Variants in ESR2 observed in about 807,000 individuals in gnomAD.
The protein encoded by ESR2 is estrogen receptor 2.
In ESR2, 36 loss-of-function variants were observed where a neutral mutation model predicts 49.6. The ratio of observed to expected loss-of-function variants is 0.73; its 90% CI spans 0.56 to 0.96. ESR2 has a LOEUF of 0.96. Among genes scored for constraint, ESR2 ranks in the 40% least tolerant of loss-of-function variants. The pLI is 0.00. For missense variants in ESR2, 714 were observed against 693.0 expected (o/e 1.03, Z -0.34); for synonymous variants, 320 against 266.1 (o/e 1.20, Z -1.97).
At chr14:64,315,423 C>T (rs1485273345) in intron 1 of ESR2, among the ~76,000 whole-genome samples, 1 of 151,950 alleles carries the variant, frequency 6.6e-6, no homozygotes, top group Non-Finnish European at 1.5e-5. Flanking sequence ...CTTTGAAAAA[C>T]ACAAACTACT....
upstream of ESR2, among the ~76,000 whole-genome samples, chr14:64,299,155 TAA>T (rs35415214): frequency 1.5e-5 from 2 of 137,314 alleles, no homozygotes; most frequent in Admixed American, 7.3e-5. Context: ...TGAAATGAGA[TAA>T]AAAAAAAAAA....
At chr14:64,247,359 G>A (rs1351079432) in intron 7 of ESR2, among the ~76,000 whole-genome samples, 2 of 150,134 alleles carry the variant, frequency 1.3e-5, no homozygotes, top group African/African-American at 4.9e-5. Context: ...AAAAAAACTA[G>A]TGCCAATATC....
intron 1 of ESR2, among the ~76,000 whole-genome samples, chr14:64,286,156 C>T (rs1256141224): frequency 1.3e-5 from 2 of 152,092 alleles, no homozygotes; most frequent in Non-Finnish European, 1.5e-5. Flanking sequence ...AAAGTGGTAC[C>T]ACTTCCAACC....
At chr14:64,267,876 T>A (rs2076363148) in intron 4 of ESR2, among the ~76,000 whole-genome samples, 1 of 134,152 alleles carries the variant, frequency 7.5e-6, no homozygotes, top group African/African-American at 2.9e-5. Context: ...AGAGCGAGAC[T>A]CCATCTCAAA....
chr14:64,235,077 C>CA lies in ESR2; in HGVS notation c.1298dup (p.Thr434AspfsTer24). The stretch of plus-strand genomic sequence containing the variant: ...CAATCACCCAAACCAAAGCATCGGT[C>CA]ACGGCGTTCAGCAAGTGAGCCAGCT... On this transcript the variant is annotated frameshift_variant, in exon 8 of 9. Coordinates refer to ENST00000341099, the MANE Select transcript of ESR2 (RefSeq NM_001437.3). LOFTEE classifies it high-confidence loss of function. 6.2e-7 allele frequency: 1 copy of CA among 1,614,190 alleles called. No homozygotes were observed. Among genetic ancestry groups the CA allele is most frequent in the South Asian group, 1.1e-5 (1 of 91,078 alleles).
chr14:64,239,345 A>G (rs1441578389), intron 7 of ESR2, among the ~76,000 whole-genome samples: 1 of 152,224 alleles, frequency 6.6e-6, no homozygotes, highest in Non-Finnish European at 1.5e-5. Context: ...AACTCTCCCT[A>G]TAAACTCAGA....
intron 7 of ESR2, among the ~76,000 whole-genome samples, chr14:64,241,071 T>G (rs929300315): frequency 5.2e-4 from 72 of 139,334 alleles, no homozygotes; most frequent in Non-Finnish European, 3.5e-4. Flanking sequence ...GCGTGAACCC[T>G]GGAGGCGGAG....
At chr14:64,252,310 TAA>T (rs1371158093) in intron 6 of ESR2, among the ~76,000 whole-genome samples, 3 of 134,474 alleles carry the variant, frequency 2.2e-5, no homozygotes, top group Non-Finnish European at 3.2e-5. Flanking sequence ...GGACCGTCTC[TAA>T]AAAAAAAAAA....
chr14:64,326,616 T>C (rs559049337), intron 1 of ESR2, among the ~76,000 whole-genome samples: 2 of 152,268 alleles, frequency 1.3e-5, no homozygotes, highest in East Asian at 3.9e-4. Flanking sequence ...GGGTGCTTTT[T>C]CTCAAGAGCC....
At chr14:64,318,967 G>A (rs999422613) in intron 1 of ESR2, among the ~76,000 whole-genome samples, 10 of 152,080 alleles carry the variant, frequency 6.6e-5, no homozygotes, top group African/African-American at 2.4e-4. Flanking sequence ...CTTGAGCCCA[G>A]GAGGTCAAGG....
chr14:64,314,800 C>A (rs558517593), intron 1 of ESR2, among the ~76,000 whole-genome samples: 1 of 144,154 alleles, frequency 6.9e-6, no homozygotes, highest in African/African-American at 2.6e-5. Flanking sequence ...ATCACTTGAA[C>A]CTGGGAGGCG....
In ESR2 at chr14:64,232,916, C is replaced by T. The variant is rs989840219; in HGVS notation, c.*221G>A. ...CCTATGAGGCCATTGAGTGTGGAAA[C>T]GCTGCATTCAAATGTGCCCTCTGCT... On this transcript the variant is annotated 3_prime_UTR_variant, in exon 9 of 9. Coordinates refer to ENST00000341099, the MANE Select transcript of ESR2 (RefSeq NM_001437.3). 3.6e-6 allele frequency: 3 copies of T among 834,314 alleles called. No homozygotes were observed. Among genetic ancestry groups the T allele is most frequent in the Non-Finnish European group, 5.1e-6 (3 of 588,308 alleles). 51.7% of individuals were successfully genotyped at this position (834,314 alleles called of 1,614,324 possible).
At chr14:64,334,660 A>AT (rs886907051) in intron 1 of ESR2, among the ~76,000 whole-genome samples, 4 of 152,160 alleles carry the variant, frequency 2.6e-5, no homozygotes, top group Non-Finnish European at 5.9e-5. Flanking sequence ...GTCTTATTTT[A>AT]TTTTTTTGAG....
chr14:64,318,238 A>G (rs1446368347), intron 1 of ESR2, among the ~76,000 whole-genome samples: 2 of 152,166 alleles, frequency 1.3e-5, no homozygotes, highest in Non-Finnish European at 2.9e-5. Context: ...TAAAAGCACA[A>G]TAACATTTAA....
rs750603094 is a variant in ESR2, at chr14:64,282,898, T to C, written c.88A>G (p.Ile30Val). ...QSILPLEHGS[I>V]YIPSSYVDSH... ...TCTACATAGGAGGAAGGTATGTATA[T>C]GGAGCCGTGCTCCAGGGGTAAGATG... The change falls in exon 2 of 9, where the codon ATA becomes GTA. Residue 30 changes from isoleucine (I) to valine (V), a missense_variant. Transcript: ENST00000341099. 1.1e-5 allele frequency: 17 copies of C among 1,614,232 alleles called. No individual in the cohort carries two copies. Among genetic ancestry groups the C allele is most frequent in the Non-Finnish European group, 1.4e-5 (17 of 1,180,014 alleles).
At chr14:64,261,507 T>G (rs572943584) in intron 4 of ESR2, among the ~76,000 whole-genome samples, 1 of 152,284 alleles carries the variant, frequency 6.6e-6, no homozygotes, top group South Asian at 2.1e-4. Context: ...AACTTCAGCC[T>G]CCCGGGTTCA....
At chr14:64,279,378 A>G (rs2076619731) in intron 3 of ESR2, among the ~76,000 whole-genome samples, 1 of 151,502 alleles carries the variant, frequency 6.6e-6, no homozygotes, top group South Asian at 2.1e-4. Context: ...TCTTTTCATC[A>G]ACAAGTTGAT....
At chr14:64,247,230 T>C (rs1034148709) in intron 7 of ESR2, among the ~76,000 whole-genome samples, 1 of 152,262 alleles carries the variant, frequency 6.6e-6, no homozygotes, top group Admixed American at 6.5e-5. Flanking sequence ...CTAGGACTTG[T>C]ATTTTACACT....
At chr14:64,271,769 A>C (rs1027099574) in intron 3 of ESR2, among the ~76,000 whole-genome samples, 1 of 152,200 alleles carries the variant, frequency 6.6e-6, no homozygotes, top group Non-Finnish European at 1.5e-5. Context: ...ATAGTGGTGT[A>C]TATGTTCCAC....
Sources: allele counts gnomAD v4.1 joint callset (sites outside exome capture counted in the v4.1 genomes callset), GRCh38; gene constraint gnomAD v4.1.1; transcripts MANE v1.5; gene names NCBI Gene and HGNC (gene_info 2026-07-23, HGNC 2026-07-21).